NRXN3: variants seen among roughly 807,000 people sequenced by gnomAD.
NRXN3 encodes neurexin 3, also known as neurexin III.
In NRXN3, 32 loss-of-function variants were observed where a neutral mutation model predicts 137.6. The observed-to-expected ratio is 0.23, with a 90% CI of 0.18 to 0.31. The LOEUF (loss-of-function observed/expected upper bound fraction) is 0.31, where lower values mean the gene tolerates loss of function less well. Among genes scored for constraint, NRXN3 ranks in the 10% least tolerant of loss-of-function variants. The pLI is 1.00. For missense variants in NRXN3, 1,574 were observed against 2,062.5 expected, an observed-to-expected ratio of 0.76 and a Z score of 4.59; for synonymous variants, 798 against 784.5, an observed-to-expected ratio of 1.02 and a Z score of -0.29.
intron 4 of NRXN3, among the ~76,000 whole-genome samples, chr14:78,531,016 A>G (rs1434244114): frequency 2.0e-5 from 3 of 152,108 alleles, no homozygotes; most frequent in Non-Finnish European, 2.9e-5. Context: ...AAGTAGCCCT[A>G]CTTTCATTTA....
intron 15 of NRXN3, among the ~76,000 whole-genome samples, chr14:79,452,296 A>T (rs2096187143): frequency 6.6e-6 from 1 of 152,176 alleles, no homozygotes; most frequent in Non-Finnish European, 1.5e-5. Flanking sequence ...AAGACCAATT[A>T]TCTTGTATTT....
chr14:79,620,856 A>G (rs942898444), intron 16 of NRXN3, among the ~76,000 whole-genome samples: 1 of 152,122 alleles, frequency 6.6e-6, no homozygotes, highest in African/African-American at 2.4e-5. Context: ...AATGGATGAG[A>G]CCTGAAGGGA....
chr14:79,279,700 C>T (rs1205670988), intron 15 of NRXN3: 1 of 986,160 alleles, frequency 1.0e-6, no homozygotes, highest in South Asian at 4.7e-5. Flanking sequence ...GGGTTAAAAG[C>T]CTCGCGCCCT....
chr14:79,541,259 C>T (rs1438413487), intron 16 of NRXN3, among the ~76,000 whole-genome samples: 3 of 152,046 alleles, frequency 2.0e-5, no homozygotes, highest in Non-Finnish European at 4.4e-5. Flanking sequence ...AAAAATTAGC[C>T]GGGTGTGGTG....
chr14:78,295,926 T>C (rs1432603638), intron 3 of NRXN3, among the ~76,000 whole-genome samples: 1 of 152,188 alleles, frequency 6.6e-6, no homozygotes, highest in East Asian at 1.9e-4. Flanking sequence ...CCTACTCACT[T>C]CTTCCTGCAG....
chr14:78,749,116 A>AT (rs2098628864), intron 8 of NRXN3, among the ~76,000 whole-genome samples: 1 of 152,168 alleles, frequency 6.6e-6, no homozygotes, highest in Non-Finnish European at 1.5e-5. Context: ...GAGAACAATA[A>AT]TTTCCTAAGG....
At chr14:78,716,759 C>T (rs1372674113) in intron 8 of NRXN3, among the ~76,000 whole-genome samples, 1 of 152,164 alleles carries the variant, frequency 6.6e-6, no homozygotes, top group Non-Finnish European at 1.5e-5. Context: ...AACTACAAAC[C>T]CTTTTTACAG....
intron 15 of NRXN3, among the ~76,000 whole-genome samples, chr14:79,006,371 G>A (rs926225844): frequency 2.0e-5 from 3 of 152,032 alleles, no homozygotes; most frequent in Non-Finnish European, 4.4e-5. Context: ...CCAAAAGCAT[G>A]AACTAAAGTG....
chr14:78,415,636 C>T (rs1205096832), intron 4 of NRXN3, among the ~76,000 whole-genome samples: 2 of 152,048 alleles, frequency 1.3e-5, no homozygotes, highest in African/African-American at 4.8e-5. Context: ...TGGAAGCATC[C>T]CTGCTGCTAT....
At chr14:78,648,896 C>T (rs1041967204) in intron 5 of NRXN3, among the ~76,000 whole-genome samples, 12 of 151,930 alleles carry the variant, frequency 7.9e-5, no homozygotes, top group Admixed American at 3.3e-4. Flanking sequence ...AGGGAGTGGG[C>T]GGTGTCCATT....
At chr14:79,144,050 G>A (rs1200137703) in intron 15 of NRXN3, among the ~76,000 whole-genome samples, 1 of 152,174 alleles carries the variant, frequency 6.6e-6, no homozygotes, top group Non-Finnish European at 1.5e-5. Context: ...TTCATTGTTA[G>A]AAATAGCCAA....
intron 15 of NRXN3, among the ~76,000 whole-genome samples, chr14:79,058,481 C>A (rs886237553): frequency 3.9e-5 from 6 of 151,904 alleles, no homozygotes; most frequent in Non-Finnish European, 5.9e-5. Flanking sequence ...AAGAGAATCC[C>A]TGAGATATAT....
intron 15 of NRXN3, among the ~76,000 whole-genome samples, chr14:78,999,641 C>A (rs1056888218): frequency 6.6e-6 from 1 of 152,082 alleles, no homozygotes; most frequent in Non-Finnish European, 1.5e-5. Flanking sequence ...AAGATGGTTC[C>A]ATTTCTTTTC....
At chr14:78,199,125 A>G (rs148735006) in intron 1 of NRXN3, among the ~76,000 whole-genome samples, 264 of 152,326 alleles carry the variant, frequency 1.7e-3, no homozygotes, top group Admixed American at 4.9e-3. Flanking sequence ...CCAAGAGTAG[A>G]TATCTAGAAA....
intron 15 of NRXN3, among the ~76,000 whole-genome samples, chr14:79,020,872 C>CACAA: frequency 6.6e-6 from 1 of 150,936 alleles, no homozygotes; most frequent in South Asian, 2.1e-4. Context: ...TACACACACA[C>CACAA]ACACACACAC....
intron 4 of NRXN3, among the ~76,000 whole-genome samples, chr14:78,570,655 A>G (rs1488849026): frequency 6.6e-6 from 1 of 152,230 alleles, no homozygotes; most frequent in Non-Finnish European, 1.5e-5. Context: ...CAGTCTTCTC[A>G]GTCTGGTCAA....
intron 10 of NRXN3, among the ~76,000 whole-genome samples, chr14:78,844,645 T>C (rs1315115044): frequency 1.3e-5 from 2 of 152,140 alleles, no homozygotes; most frequent in Admixed American, 1.3e-4. Context: ...AATTAGTTGC[T>C]GTAGTTCCAG....
At chr14:78,613,708 T>A (rs2097321535) in intron 4 of NRXN3, among the ~76,000 whole-genome samples, 1 of 151,622 alleles carries the variant, frequency 6.6e-6, no homozygotes, top group African/African-American at 2.4e-5. Context: ...CTTTGGAAGT[T>A]GTCAAATCTT....
chr14:78,640,332 A>G (rs973495054), intron 4 of NRXN3, among the ~76,000 whole-genome samples: 1 of 152,214 alleles, frequency 6.6e-6, no homozygotes, highest in African/African-American at 2.4e-5. Flanking sequence ...GAATCCTTCT[A>G]TCCTTCTCAG....
Sources: gnomAD v4.1 joint callset for allele counts (sites outside exome capture counted in the v4.1 genomes callset) on GRCh38, gnomAD v4.1.1 for gene constraint, MANE v1.5 for transcripts, NCBI Gene and HGNC (gene_info 2026-07-23, HGNC 2026-07-21) for gene names.